IGSF22: variants seen among roughly 807,000 people sequenced by gnomAD.
IGSF22 encodes immunoglobulin superfamily member 22.
A neutral mutation model predicts 127.0 loss-of-function variants in IGSF22; 119 were observed. That is an observed-to-expected ratio of 0.94 (90% CI 0.81 to 1.09). The LOEUF (loss-of-function observed/expected upper bound fraction) is 1.09, where lower values mean the gene tolerates loss of function less well. Among genes scored for constraint, IGSF22 ranks in the 50% least tolerant of loss-of-function variants. The pLI is 0.00. For missense variants in IGSF22, 1,518 were observed against 1,716.6 expected (o/e 0.88, Z 2.04); for synonymous variants, 568 against 664.7 (o/e 0.85, Z 2.24).
chr11:18,719,779 A>G lies in IGSF22; in HGVS notation c.633T>C (p.Gly211=). The part of the protein sequence containing the change: ...KDFEKVCMEY[G]FTDFRGLLRK... ...TGAGCAGCCCCCGAAAGTCGGTGAA[A>G]CCATACTCCATGCACACCTTCTCAA... is the stretch of plus-strand genomic sequence containing the variant. Residue 211 remains glycine (G), a synonymous_variant, in exon 7 of 23, where the codon GGT becomes GGC. Transcript: ENST00000513874. The G allele has an allele frequency of 6.2e-7, 1 of 1,614,142 alleles. No individual in the cohort carries two copies. The highest frequency in any genetic ancestry group is 8.5e-7 in the Non-Finnish European group (1 of 1,180,036).
At chr11:18,717,109 GA>G (rs1347216312) in intron 9 of IGSF22, 109 bp from the exon 10 acceptor site, 2 of 1,226,156 alleles carry the variant, frequency 1.6e-6, no homozygotes, top group Non-Finnish European at 2.3e-6. Context: ...ATGGCTGGGG[GA>G]AAGCACCCTG....
intron 22 of IGSF22, among the ~76,000 whole-genome samples, chr11:18,704,985 C>T (rs1848194725): frequency 6.6e-6 from 1 of 152,218 alleles, no homozygotes; most frequent in Admixed American, 6.5e-5. Context: ...GATATTGTCT[C>T]AGTGCCAGAC....
Position 18,716,592 on chromosome 11 carries a change from C to T in IGSF22, c.1246+136G>A, listed in dbSNP as rs978717039. 7 of 832,154 alleles carry T rather than the reference C, an allele frequency of 8.4e-6. No homozygotes were observed. The highest frequency in any genetic ancestry group is 1.3e-5 in the Non-Finnish European group (7 of 526,652). 51.5% of individuals were successfully genotyped at this position (832,154 alleles called of 1,614,324 possible). On this transcript the variant is annotated intron_variant, in intron 10 of 22. Coordinates refer to ENST00000513874, the MANE Select transcript of IGSF22 (RefSeq NM_173588.4). The surrounding 1 kb of genome is among the most constrained non-coding windows in gnomAD (Gnocchi z 4.5). ...TAGGGGTTAACAGAGAGGAGATCCC[C>T]CTGTCTTTCCAGTACCTACCACAGG...
In IGSF22 at chr11:18,714,552, A is replaced by C. The variant is rs773290445; in HGVS notation, c.1604T>G (p.Val535Gly). Residue 535 changes from valine (V) to glycine (G), a missense_variant, in exon 12 of 23, where the codon GTA becomes GGA. By Grantham distance (109) the Val-to-Gly change is moderately radical. Around this residue, in one of 3 missense-constraint regions of IGSF22, gnomAD observed 1,456 missense variants for 1,644.9 expected, o/e 0.89. Transcript: ENST00000513874. ...AATGSPAELCVVLNDEKVEGV... is the reference protein window; with the variant it reads ...AATGSPAELCGVLNDEKVEGV... ...CTCCACCTTCTCGTCATTCAGCACT[A>C]CACACAACTCAGCTGGGCTCCCAGT... is the stretch of plus-strand genomic sequence containing the variant. The C allele has an allele frequency of 3.7e-5, 59 of 1,614,010 alleles. No individual in the cohort carries two copies. In the Middle Eastern group the frequency reaches 8.2e-4, roughly 22 times the overall value.
chr11:18,714,809 A>C (rs1848430303), intron 11 of IGSF22, among the ~76,000 whole-genome samples, 185 bp from the exon 12 acceptor site: 1 of 143,030 alleles, frequency 7.0e-6, no homozygotes, highest in African/African-American at 2.6e-5. Context: ...AGTGGGGGGA[A>C]CTGGAGCAAC....
intron 15 of IGSF22, among the ~76,000 whole-genome samples, chr11:18,711,271 T>C (rs914941618): frequency 6.6e-6 from 1 of 152,240 alleles, no homozygotes; most frequent in Non-Finnish European, 1.5e-5. Flanking sequence ...TAGCCGACAT[T>C]GAGAATCAGT....
chr11:18,720,526 C>G (rs935806993), intron 4 of IGSF22, among the ~76,000 whole-genome samples: 1 of 152,188 alleles, frequency 6.6e-6, no homozygotes, highest in Non-Finnish European at 1.5e-5. Flanking sequence ...ATCGGACTCT[C>G]CCCCTTGGCT....
chr11:18,714,013 C>T lies in IGSF22; in HGVS notation c.1934G>A (p.Gly645Asp). 6.2e-7 allele frequency: 1 copy of T among 1,614,304 alleles called. No homozygotes were observed. Among genetic ancestry groups the T allele is most frequent in the Non-Finnish European group, 8.5e-7 (1 of 1,180,048 alleles). ...GCGTTCCTCCTCCGTCACTTCCATG[C>T]CATCCTTGTACCATGTCACTTTGGG... ...PLPKVTWYKD[G>D]MEVTEEERVS... Residue 645 changes from glycine (G) to aspartate (D), a missense_variant, in exon 14 of 23, where the codon GGC becomes GAC. Gly to Asp is a moderately conservative substitution (Grantham distance 94). Around this residue, in one of 3 missense-constraint regions of IGSF22, gnomAD observed 1,456 missense variants for 1,644.9 expected, o/e 0.89. Transcript: ENST00000513874.
At chr11:18,718,118 G>C in intron 8 of IGSF22, 25 bp from the exon 9 acceptor site, 1 of 1,609,102 alleles carries the variant, frequency 6.2e-7, no homozygotes, top group Non-Finnish European at 8.5e-7. Flanking sequence ...AGGTAGGAAA[G>C]CTGATGAAGG....
intron 2 of IGSF22, among the ~76,000 whole-genome samples, chr11:18,722,604 A>C (rs1299681774): frequency 1.7e-5 from 2 of 120,350 alleles, no homozygotes; most frequent in Non-Finnish European, 3.5e-5. Flanking sequence ...GTGGAAATAT[A>C]ATTTTATATT....
At chr11:18,708,031 A>G (rs769286051) in intron 19 of IGSF22, 35 bp from the exon 20 acceptor site, 1 of 1,610,864 alleles carries the variant, frequency 6.2e-7, no homozygotes, top group South Asian at 1.1e-5. Context: ...AACTGGTCAC[A>G]CAGATGATAT....
At position 18,721,986 on chromosome 11, in the gene IGSF22, G is replaced by C; in HGVS notation, c.165C>G (p.Thr55=). Residue 55 remains threonine, a synonymous_variant, in exon 3 of 23, where the codon ACC becomes ACG. Coordinates refer to ENST00000513874, the MANE Select transcript of IGSF22 (RefSeq NM_173588.4). The stretch of plus-strand genomic sequence containing the variant: ...CGCCCGCAGGGATGTTTGAGCTCCG[G>C]GTCACTAAGCTGAAGAACTCCACTA... The part of the protein sequence containing the change: ...SSIVEFFSLV[T]RSSNIPAGDS... 6.2e-7 allele frequency: 1 copy of C among 1,614,066 alleles called. No individual in the cohort carries two copies. The highest frequency in any genetic ancestry group is 8.5e-7 in the Non-Finnish European group (1 of 1,180,032).
Position 18,707,207 on chromosome 11 carries a change from G to C in IGSF22, c.3287C>G (p.Pro1096Arg). 1 of 1,526,480 alleles carries C rather than the reference G, an allele frequency of 6.6e-7. No individual in the cohort carries two copies. Among genetic ancestry groups the C allele is most frequent in the South Asian group, 1.2e-5 (1 of 80,604 alleles). The allele number at this position is 1,526,480 out of a possible 1,614,324, so 94.6% of individuals were successfully genotyped here. Residue 1096 changes from proline (P) to arginine (R), a missense_variant, in exon 21 of 23, where the codon CCT becomes CGT. Pro to Arg is a moderately radical substitution (Grantham distance 103). Coordinates refer to ENST00000513874, the MANE Select transcript of IGSF22 (RefSeq NM_173588.4). ...CAACCGTAGGTTTGTGGGGGGCCGAGGGAAATCTGGAAGAGTTGGAAGATC... is the reference window on the plus strand; with the variant it reads ...CAACCGTAGGTTTGTGGGGGGCCGACGGAAATCTGGAAGAGTTGGAAGATC... Reference protein sequence around the residue: ...YDIHVRVADFPRPPTNLRLFE... With the variant: ...YDIHVRVADFRRPPTNLRLFE...
At chr11:18,718,921 A>C (rs1042439323) in intron 7 of IGSF22, among the ~76,000 whole-genome samples, 193 bp from the exon 8 acceptor site, 1 of 152,176 alleles carries the variant, frequency 6.6e-6, no homozygotes, top group African/African-American at 2.4e-5. Context: ...ATGAGTAAAA[A>C]ACCATCATTC....
In IGSF22 at chr11:18,714,423, G is replaced by C. The variant is rs373950090; in HGVS notation, c.1657-5C>G. 1 of 1,614,006 alleles carries C rather than the reference G, an allele frequency of 6.2e-7. No individual in the cohort carries two copies. Among genetic ancestry groups the C allele is most frequent in the Non-Finnish European group, 8.5e-7 (1 of 1,179,874 alleles). ...CATGCCTGGCAAGTCCGTGATCTGGGGGTCAGGGGTGGGCCTGAGTGTGAG... is the reference window on the plus strand; with the variant it reads ...CATGCCTGGCAAGTCCGTGATCTGGCGGTCAGGGGTGGGCCTGAGTGTGAG... On this transcript the variant is annotated splice_region_variant and splice_polypyrimidine_tract_variant and intron_variant, in intron 12 of 22. Transcript: ENST00000513874.
chr11:18,707,968 T>C lies in IGSF22; in HGVS notation c.3116A>G (p.Gln1039Arg). ...GCCCTTGGTGGGAACGCCATCTTTCTGCCAGATCACGTCAGGTGGTGGTGA... is the reference window on the plus strand; with the variant it reads ...GCCCTTGGTGGGAACGCCATCTTTCCGCCAGATCACGTCAGGTGGTGGTGA... ...SGSPPPDVIW[Q>R]KDGVPTKGRE... Residue 1039 changes from glutamine (Q) to arginine (R), a missense_variant, in exon 20 of 23, where the codon CAG (glutamine) becomes CGG (arginine). By Grantham distance (43) the Gln-to-Arg change is conservative. Transcript: ENST00000513874. The C allele has an allele frequency of 6.2e-7, 1 of 1,614,174 alleles. No individual in the cohort carries two copies.
intron 22 of IGSF22, chr11:18,704,866 G>A (rs1848191751): frequency 3.3e-6 from 1 of 299,590 alleles, no homozygotes; most frequent in Non-Finnish European, 6.5e-6. Flanking sequence ...GTGCTTACAA[G>A]CAGATTTGAG....
At position 18,718,655 on chromosome 11, in the gene IGSF22, A is replaced by G. The variant is rs762727846; in HGVS notation, c.770T>C (p.Met257Thr). The G allele has an allele frequency of 2.5e-6, 4 of 1,613,566 alleles. No homozygotes were observed. Among genetic ancestry groups the G allele is most frequent in the Admixed American group, 3.3e-5 (2 of 60,000 alleles). The change falls in exon 8 of 23, where the codon ATG becomes ACG. Residue 257 changes from methionine to threonine, a missense_variant. Coordinates refer to ENST00000513874, the MANE Select transcript of IGSF22 (RefSeq NM_173588.4). ...VDTTVVFDCI[M>T]ELKDPNVKMI... Reference sequence around the variant, plus strand: ...CTTGACATTGGGGTCTTTCAGTTCCATTATGCAGTCAAAGACCACTGTGGT... The same window carrying G: ...CTTGACATTGGGGTCTTTCAGTTCCGTTATGCAGTCAAAGACCACTGTGGT...
intron 2 of IGSF22, 31 bp downstream of exon 2, chr11:18,724,097 C>T: frequency 6.4e-7 from 1 of 1,563,192 alleles, no homozygotes; most frequent in Non-Finnish European, 8.8e-7. Context: ...GCTGCCCTTC[C>T]CGATCCCTTC....
Sources: allele counts gnomAD v4.1 joint callset (sites outside exome capture counted in the v4.1 genomes callset), GRCh38; gene constraint gnomAD v4.1.1; regional missense constraint gnomAD v4.1.1; non-coding constraint Gnocchi (gnomAD v3.1); transcripts MANE v1.5; gene names NCBI Gene and HGNC (gene_info 2026-07-23, HGNC 2026-07-21).